PLCG2: variants seen among roughly 807,000 people sequenced by gnomAD.
PLCG2 encodes phospholipase C gamma 2.
Under a neutral mutation model 175.6 loss-of-function variants are expected in PLCG2, and 69 were observed. That is an observed-to-expected ratio of 0.39 (90% CI 0.32 to 0.48). The LOEUF (loss-of-function observed/expected upper bound fraction) is 0.48. PLCG2 is among the 20% of genes least tolerant of loss of function. The pLI is 0.91. For synonymous variants in PLCG2, 827 were observed against 624.0 expected (o/e 1.33, Z -4.85); for missense variants, 1,798 against 1,650.9 (o/e 1.09, Z -1.54).
intron 2 of PLCG2, among the ~76,000 whole-genome samples, chr16:81,841,862 A>G (rs765569906): frequency 3.9e-5 from 6 of 152,210 alleles, no homozygotes; most frequent in Non-Finnish European, 5.9e-5. Context: ...TTCTTAAAGC[A>G]GGGTCCTTGG....
intron 1 of PLCG2, among the ~76,000 whole-genome samples, chr16:81,750,603 G>A (rs115942816): frequency 0.015 from 2,253 of 145,858 alleles, 59 homozygotes; most frequent in African/African-American, 0.053. Flanking sequence ...TAAAGAAAAC[G>A]TGCCACATAT....
At chr16:81,874,189 A>T (rs9922366) in intron 7 of PLCG2, among the ~76,000 whole-genome samples, 4,567 of 152,282 alleles carry the variant, frequency 0.03, 137 homozygotes, top group African/African-American at 0.073. Flanking sequence ...AAATCTAGAT[A>T]TTTGGCTTCC....
chr16:81,952,595 C>A (rs531613043), intron 31 of PLCG2, among the ~76,000 whole-genome samples: 1 of 152,324 alleles, frequency 6.6e-6, no homozygotes, highest in Admixed American at 6.5e-5. Flanking sequence ...CCAATGGCCA[C>A]AGCTGGAACC....
At chr16:81,761,958 A>G (rs1235849356) in intron 2 of PLCG2, among the ~76,000 whole-genome samples, 1 of 151,480 alleles carries the variant, frequency 6.6e-6, no homozygotes, top group Non-Finnish European at 1.5e-5. Flanking sequence ...CAGTTTCCCA[A>G]GTAGTTGGGA....
upstream of PLCG2, among the ~76,000 whole-genome samples, chr16:81,777,499 T>TG (rs1189072043): frequency 1.3e-5 from 2 of 151,624 alleles, no homozygotes; most frequent in African/African-American, 4.8e-5. Context: ...TCATTTTTCC[T>TG]GGGGAATTGG....
At chr16:81,945,609 C>T (rs528188044) in intron 30 of PLCG2, among the ~76,000 whole-genome samples, 2 of 152,212 alleles carry the variant, frequency 1.3e-5, no homozygotes, top group Non-Finnish European at 2.9e-5. Context: ...AACTTGCCCC[C>T]CTCAGCCCCA....
intron 1 of PLCG2, among the ~76,000 whole-genome samples, chr16:81,753,067 A>C (rs567673999): frequency 1.1e-4 from 17 of 152,326 alleles, no homozygotes; most frequent in African/African-American, 3.6e-4. Context: ...GCTCAGTCTG[A>C]GCTGTCCAGG....
chr16:81,861,761 G>A (rs968603471), intron 5 of PLCG2, among the ~76,000 whole-genome samples: 1 of 152,172 alleles, frequency 6.6e-6, no homozygotes, highest in Non-Finnish European at 1.5e-5. Context: ...CTCTCTCCAC[G>A]CGGTGCTGGT....
chr16:81,906,915 G>T (rs1184820624), intron 15 of PLCG2, among the ~76,000 whole-genome samples: 1 of 151,952 alleles, frequency 6.6e-6, no homozygotes, highest in Non-Finnish European at 1.5e-5. Flanking sequence ...GCACGTGCCT[G>T]TAGTCCCAGC....
At chr16:81,841,495 C>A (rs1039493970) in intron 2 of PLCG2, among the ~76,000 whole-genome samples, 61 of 152,164 alleles carry the variant, frequency 4.0e-4, no homozygotes, top group African/African-American at 1.4e-3. Flanking sequence ...CCCACTTCGG[C>A]CTCCCAAGGT....
chr16:81,916,043 A>G (rs1909824939), intron 19 of PLCG2, among the ~76,000 whole-genome samples: 1 of 152,160 alleles, frequency 6.6e-6, no homozygotes. Flanking sequence ...ATATGGTGCC[A>G]TTTTGTGTCT....
At chr16:81,849,241 A>T (rs1906275343) in intron 2 of PLCG2, among the ~76,000 whole-genome samples, 1 of 152,130 alleles carries the variant, frequency 6.6e-6, no homozygotes. Flanking sequence ...CTTTAAGGAG[A>T]CAAGTCAGGA....
intron 2 of PLCG2, chr16:81,798,524 A>G (rs1179761828): frequency 6.6e-6 from 1 of 152,300 alleles, no homozygotes; most frequent in East Asian, 1.9e-4. Context: ...TGGAAATAGA[A>G]ACAGTGATGA....
chr16:81,814,935 G>A (rs1426180470), intron 2 of PLCG2, among the ~76,000 whole-genome samples: 2 of 152,198 alleles, frequency 1.3e-5, no homozygotes, highest in African/African-American at 2.4e-5. Flanking sequence ...TTTGTCTAGA[G>A]TAAGTGCTGA....
chr16:81,753,032 G>C (rs1414807185), intron 1 of PLCG2, among the ~76,000 whole-genome samples: 1 of 152,220 alleles, frequency 6.6e-6, no homozygotes, highest in Non-Finnish European at 1.5e-5. Context: ...ATAATGGTAT[G>C]AGCTACTATT....
At chr16:81,936,917 CATTT>C (rs888693479) in intron 27 of PLCG2, among the ~76,000 whole-genome samples, 14 of 152,276 alleles carry the variant, frequency 9.2e-5, no homozygotes, top group African/African-American at 2.9e-4. Flanking sequence ...ATGGAACAAT[CATTT>C]ATTTAATAAG....
intron 2 of PLCG2, among the ~76,000 whole-genome samples, chr16:81,768,328 C>T (rs1910197254): frequency 6.6e-6 from 1 of 152,156 alleles, no homozygotes; most frequent in Non-Finnish European, 1.5e-5. Context: ...GGGTTGTTTC[C>T]AGTTTGCAGT....
intron 28 of PLCG2, chr16:81,938,538 A>C (rs992500830): frequency 2.0e-6 from 1 of 506,578 alleles, no homozygotes; most frequent in Non-Finnish European, 3.5e-6. Flanking sequence ...GGATGTGTGC[A>C]TTCATGAGCT....
intron 21 of PLCG2, 37 bp from the exon 22 acceptor site, chr16:81,923,448 C>T (rs771035429): frequency 4.4e-6 from 6 of 1,377,126 alleles, no homozygotes; most frequent in Non-Finnish European, 6.2e-6. Flanking sequence ...CCCTCCTGTC[C>T]CTGGCCTGAC....
Sources: gnomAD v4.1 joint callset for allele counts (sites outside exome capture counted in the v4.1 genomes callset) on GRCh38, gnomAD v4.1.1 for gene constraint, MANE v1.5 for transcripts, NCBI Gene and HGNC (gene_info 2026-07-23, HGNC 2026-07-21) for gene names.